Variants in KCNN2 observed in about 807,000 individuals in gnomAD.
The protein encoded by KCNN2 is small conductance calcium-activated potassium channel protein 2.
In KCNN2, 24 loss-of-function variants were observed where a neutral mutation model predicts 55.5. The ratio of observed to expected loss-of-function variants is 0.43; its 90% confidence interval spans 0.31 to 0.61. The LOEUF is 0.61. Among genes scored for constraint, KCNN2 ranks in the 20% least tolerant of loss-of-function variants. The probability of loss-of-function intolerance (pLI) is 0.08; values close to 1 mark genes in which losing one functional copy is unlikely to be tolerated. For missense variants in KCNN2, 754 were observed against 853.6 expected, an observed-to-expected ratio of 0.88 and a Z score of 1.45; for synonymous variants, 431 against 336.1, an observed-to-expected ratio of 1.28 and a Z score of -3.09.
chr5:114,465,689 T>A (rs1761413802), intron 4 of KCNN2, among the ~76,000 whole-genome samples: 1 of 152,152 alleles, frequency 6.6e-6, no homozygotes, highest in African/African-American at 2.4e-5. Context: ...GTAATGGAAT[T>A]TATGGTGACT....
intron 3 of KCNN2, among the ~76,000 whole-genome samples, chr5:114,442,284 A>G (rs929628136): frequency 2.4e-4 from 37 of 151,044 alleles, no homozygotes; most frequent in Admixed American, 1.8e-3. Flanking sequence ...TACTGTATAT[A>G]TAGAGAGAGA....
intron 1 of KCNN2, among the ~76,000 whole-genome samples, chr5:114,211,051 TAAA>T (rs1041969639): frequency 2.7e-5 from 4 of 150,844 alleles, no homozygotes; most frequent in South Asian, 2.1e-4. Context: ...ATTAAAAAGT[TAAA>T]AAAAAACAGA....
intron 2 of KCNN2, among the ~76,000 whole-genome samples, chr5:114,368,722 T>A (rs1375013103): frequency 6.6e-6 from 1 of 152,220 alleles, no homozygotes; most frequent in Non-Finnish European, 1.5e-5. Context: ...ATTCTCTCAG[T>A]CATGTTTCTC....
At chr5:114,265,457 A>G (rs765834097) in intron 2 of KCNN2, among the ~76,000 whole-genome samples, 2 of 152,054 alleles carry the variant, frequency 1.3e-5, no homozygotes, top group Non-Finnish European at 2.9e-5. Context: ...AGGCCCAGGA[A>G]AACTGATAGT....
rs6149186 is a variant in KCNN2 at position 114,375,952 on chromosome 5, GTATATATATATA to G, written c.1218+11965_1218+11976del. ...AATCATTTAAAAAAAGACTCACAGT[GTATATATATATA>G]TATATATATATATGTATTTTTTTCC... On this transcript the variant is annotated intron_variant, in intron 2 of 7. Coordinates refer to ENST00000673685, the MANE Select transcript of KCNN2 (RefSeq NM_021614.4). Among the ~76,000 whole-genome samples, 12 of 104,718 alleles carry G rather than the reference GTATATATATATA, an allele frequency of 1.1e-4. 1 individual carries two copies. The highest frequency in any genetic ancestry group is 7.8e-4 in the South Asian group (2 of 2,558). 68.7% of individuals were successfully genotyped at this position (104,718 alleles called of 152,430 possible). A position where few individuals can be genotyped will look rare whatever the true frequency, so the allele number is the denominator to read the frequency against.
chr5:114,162,307 C>T (rs1434626030), intron 1 of KCNN2, among the ~76,000 whole-genome samples: 2 of 152,176 alleles, frequency 1.3e-5, no homozygotes, highest in Non-Finnish European at 2.9e-5. Context: ...GTGGTGGCTG[C>T]AGAACAGCGG....
chr5:114,444,408 A>G (rs1760326862), intron 3 of KCNN2, among the ~76,000 whole-genome samples: 1 of 152,128 alleles, frequency 6.6e-6, no homozygotes, highest in South Asian at 2.1e-4. Context: ...AAAAAAAGAC[A>G]GCATATGAGA....
chr5:114,222,340 A>AT (rs1231226593), intron 2 of KCNN2, among the ~76,000 whole-genome samples: 1 of 152,188 alleles, frequency 6.6e-6, no homozygotes, highest in Non-Finnish European at 1.5e-5. Context: ...CCTCAAAGAT[A>AT]TTTTTTTGAT....
At chr5:114,411,561 C>G (rs985104334) in intron 3 of KCNN2, among the ~76,000 whole-genome samples, 13 of 152,108 alleles carry the variant, frequency 8.5e-5, no homozygotes, top group African/African-American at 2.4e-4. Context: ...GATGCAGGTG[C>G]AAGTCCTAGA....
At chr5:114,227,399 T>G (rs1183132741) in intron 2 of KCNN2, among the ~76,000 whole-genome samples, 1 of 152,176 alleles carries the variant, frequency 6.6e-6, no homozygotes, top group Non-Finnish European at 1.5e-5. Context: ...CTTAAAGAAG[T>G]GACTTTCTCC....
intron 2 of KCNN2, among the ~76,000 whole-genome samples, chr5:114,225,544 T>C (rs759704657): frequency 3.3e-5 from 5 of 152,186 alleles, no homozygotes; most frequent in Non-Finnish European, 7.4e-5. Flanking sequence ...TGTTCAATGA[T>C]ATATCTCTAG....
chr5:114,131,058 T>C (rs1752061827), intron 1 of KCNN2, among the ~76,000 whole-genome samples: 1 of 151,658 alleles, frequency 6.6e-6, no homozygotes, highest in Non-Finnish European at 1.5e-5. Flanking sequence ...GACAGCGTTC[T>C]TTTTTTTTCT....
intron 2 of KCNN2, among the ~76,000 whole-genome samples, chr5:114,271,048 G>A (rs904948920): frequency 2.0e-5 from 3 of 152,128 alleles, no homozygotes; most frequent in South Asian, 2.1e-4. Context: ...CTTCCACAGC[G>A]TGGAAGGTGA....
chr5:114,361,167 G>A (rs569280945), upstream of KCNN2: 3 of 152,310 alleles, frequency 2.0e-5, no homozygotes, highest in South Asian at 2.1e-4. Flanking sequence ...TGGCGGTAGC[G>A]GGGAAAGCCC....
intron 1 of KCNN2, among the ~76,000 whole-genome samples, chr5:114,129,961 C>A (rs192041559): frequency 1.4e-3 from 216 of 152,284 alleles, no homozygotes; most frequent in Non-Finnish European, 2.6e-3. Flanking sequence ...CTAGAGGAGT[C>A]ACTCCCATCT....
intron 2 of KCNN2, among the ~76,000 whole-genome samples, chr5:114,237,841 T>C (rs1754535448): frequency 6.6e-6 from 1 of 152,210 alleles, no homozygotes; most frequent in African/African-American, 2.4e-5. Context: ...TGGGAGAGGC[T>C]TTACTCCACG....
chr5:114,388,907 T>C (rs577879151), intron 2 of KCNN2, among the ~76,000 whole-genome samples: 50 of 152,162 alleles, frequency 3.3e-4, no homozygotes, highest in Non-Finnish European at 5.4e-4. Context: ...GAAAAGAGGA[T>C]CAATTAAGTC....
At chr5:114,424,058 G>A (rs1259860368) in intron 3 of KCNN2, among the ~76,000 whole-genome samples, 3 of 152,160 alleles carry the variant, frequency 2.0e-5, no homozygotes, top group African/African-American at 7.2e-5. Context: ...TTAGTCCATA[G>A]GTATGTTCCC....
At chr5:114,478,781 GT>G (rs769715467) in intron 5 of KCNN2, among the ~76,000 whole-genome samples, 9 of 152,200 alleles carry the variant, frequency 5.9e-5, no homozygotes, top group Admixed American at 4.6e-4. Flanking sequence ...CTAGAATTTC[GT>G]TATCTGGCCA....
Sources: gnomAD v4.1 joint callset for allele counts (sites outside exome capture counted in the v4.1 genomes callset) on GRCh38, gnomAD v4.1.1 for gene constraint, MANE v1.5 for transcripts, NCBI Gene and HGNC (gene_info 2026-07-23, HGNC 2026-07-21) for gene names.